Variants in TRIM14 observed in about 807,000 individuals in gnomAD.
TRIM14 encodes the protein tripartite motif-containing protein 14.
TRIM14 carries 28 observed loss-of-function variants against 44.5 expected under a neutral mutation model. The observed-to-expected ratio is 0.63, with a 90% CI of 0.47 to 0.86. The LOEUF is 0.86. TRIM14 is among the 40% of genes least tolerant of loss of function. The probability of loss-of-function intolerance (pLI) is 0.00; values close to 1 mark genes in which losing one functional copy is unlikely to be tolerated. For missense variants in TRIM14, 607 were observed against 611.1 expected (o/e 0.99, Z 0.07); for synonymous variants, 299 against 269.2 (o/e 1.11, Z -1.08).
At chr9:98,059,741 T>C in the TRIM14 span, among the ~76,000 whole-genome samples, 1 of 152,102 alleles carries the variant, frequency 6.6e-6, no homozygotes, top group South Asian at 2.1e-4. Flanking sequence ...TTTTTTTTTT[T>C]TTATAGTCAA....
chr9:98,071,239 T>C (rs146093888), intron 6 of TRIM14, among the ~76,000 whole-genome samples: 151 of 152,348 alleles, frequency 9.9e-4, no homozygotes, highest in African/African-American at 3.5e-3. Context: ...GGTACACACC[T>C]CAGCTGTATG....
At chr9:98,068,814 T>G (rs1829226337), downstream of TRIM14, among the ~76,000 whole-genome samples, 2 of 124,102 alleles carry the variant, frequency 1.6e-5, no homozygotes, top group South Asian at 5.8e-4. Flanking sequence ...GGCAAAAGAG[T>G]GAGATCCTGT....
chr9:98,105,248 T>G (rs1826561919), intron 2 of TRIM14, among the ~76,000 whole-genome samples: 1 of 152,236 alleles, frequency 6.6e-6, no homozygotes, highest in Non-Finnish European at 1.5e-5. Flanking sequence ...GCAGGGGTTC[T>G]GGGTCTGGTG....
chr9:98,107,337 A>G (rs138402361), intron 2 of TRIM14, among the ~76,000 whole-genome samples: 2 of 152,220 alleles, frequency 1.3e-5, no homozygotes, highest in Admixed American at 1.3e-4. Context: ...ACCTGGACAC[A>G]ACTGTTCAAA....
chr9:98,036,378 A>G, the TRIM14 span, among the ~76,000 whole-genome samples: 1 of 151,292 alleles, frequency 6.6e-6, no homozygotes, highest in Non-Finnish European at 1.5e-5. Context: ...GCATGTGCCT[A>G]TACTCCCAAC....
chr9:98,087,562 G>C lies in TRIM14; in HGVS notation c.1237C>G (p.His413Asp), dbSNP rs1825826038. 6.9e-6 allele frequency: 11 copies of C among 1,596,618 alleles called. No individual in the cohort carries two copies. The highest frequency in any genetic ancestry group is 9.4e-6 in the Non-Finnish European group (11 of 1,173,950). The change falls in exon 6 of 6, where the codon CAC (histidine) becomes GAC (aspartate). Residue 413 changes from histidine to aspartate, a missense_variant. His to Asp is a moderately conservative substitution (Grantham distance 81, BLOSUM62 -1). Coordinates refer to ENST00000341469, the MANE Select transcript of TRIM14 (RefSeq NM_014788.4). ...AFYDVTGGMS[H>D]LHTFRATFQE... ...AACGTGGCGCGGAAGGTATGCAGGT[G>C]GCTCATGCCGCCCGTCACGTCGTAG...
At chr9:98,071,611 G>C (rs1699177814) in intron 6 of TRIM14, among the ~76,000 whole-genome samples, 1 of 152,138 alleles carries the variant, frequency 6.6e-6, no homozygotes, top group African/African-American at 2.4e-5. Flanking sequence ...GTACTTGCAG[G>C]CTGGGACATC....
At chr9:98,118,479 G>C (rs565760902) in intron 1 of TRIM14, among the ~76,000 whole-genome samples, 1 of 152,328 alleles carries the variant, frequency 6.6e-6, no homozygotes, top group East Asian at 1.9e-4. Context: ...GAGGTAGGTA[G>C]TGACAGCTGA....
At chr9:98,051,687 C>T in the TRIM14 span, among the ~76,000 whole-genome samples, 1 of 152,102 alleles carries the variant, frequency 6.6e-6, no homozygotes, top group African/African-American at 2.4e-5. Context: ...AATGTTCTAA[C>T]AAGCAGCCAC....
At chr9:98,056,696 T>C in the TRIM14 span, 13 of 1,435,628 alleles carry the variant, frequency 9.1e-6, no homozygotes, top group African/African-American at 1.0e-4. Context: ...CGGGCTGACG[T>C]GGCGGGGCTG....
chr9:98,037,357 G>A, the TRIM14 span, among the ~76,000 whole-genome samples: 1 of 152,134 alleles, frequency 6.6e-6, no homozygotes, highest in African/African-American at 2.4e-5. Flanking sequence ...CAGTCCGGGC[G>A]ACAGAGCAAG....
chr9:98,094,541 C>A (rs918632320), intron 4 of TRIM14, among the ~76,000 whole-genome samples: 2 of 152,222 alleles, frequency 1.3e-5, no homozygotes, highest in Non-Finnish European at 2.9e-5. Flanking sequence ...CAGGCCTTGG[C>A]CCCAGCCAGA....
At chr9:98,093,295 C>T (rs1381196929) in intron 4 of TRIM14, among the ~76,000 whole-genome samples, 1 of 152,180 alleles carries the variant, frequency 6.6e-6, no homozygotes, top group Non-Finnish European at 1.5e-5. Context: ...TTGCTTTTCC[C>T]TCTGTCTAGA....
chr9:98,067,334 C>G (rs984371843), downstream of TRIM14, among the ~76,000 whole-genome samples: 1 of 152,212 alleles, frequency 6.6e-6, no homozygotes, highest in African/African-American at 2.4e-5. Flanking sequence ...AACTGCCAGA[C>G]TGCTTGCCAA....
Position 98,100,119 on chromosome 9 carries a change from C to T in TRIM14, c.349G>A (p.Glu117Lys). 6.2e-7 allele frequency: 1 copy of T among 1,614,168 alleles called. No homozygotes were observed. The highest frequency in any genetic ancestry group is 8.5e-7 in the Non-Finnish European group (1 of 1,180,048). Residue 117 changes from glutamate (E) to lysine (K), a missense_variant, in exon 3 of 6, where the codon GAA becomes AAA. Glu to Lys is a moderately conservative substitution (Grantham distance 56). Around this residue, in one of 3 missense-constraint regions of TRIM14, gnomAD observed 246 missense variants for 270.8 expected, o/e 0.91. Coordinates refer to ENST00000341469, the MANE Select transcript of TRIM14 (RefSeq NM_014788.4). ...TCTTCGTCAAGTAGTAATCTGAGTT[C>T]AGTGAATTTCCCCTTCAGCCAGGTT... Reference protein sequence around the residue: ...SKTWLKGKFTELRLLLDEEEA... With the variant: ...SKTWLKGKFTKLRLLLDEEEA...
In TRIM14 at chr9:98,091,395, T is replaced by G. The variant is rs559503777; in HGVS notation, c.793+514A>C. Among the ~76,000 whole-genome samples, 57 of 152,218 alleles carry G rather than the reference T, an allele frequency of 3.7e-4. 2 individuals are homozygous for G. The South Asian group carries it at 7.3e-3, about 19-fold the overall frequency. On this transcript the variant is annotated intron_variant, in intron 5 of 5. Coordinates refer to ENST00000341469, the MANE Select transcript of TRIM14 (RefSeq NM_014788.4). ...TCATTTGTGCCCAAGAGGTCGAGGC[T>G]GCAGTGAGCCATGACTGCACCACTG...
At chr9:98,117,407 C>T (rs1827094181) in intron 1 of TRIM14, among the ~76,000 whole-genome samples, 1 of 152,102 alleles carries the variant, frequency 6.6e-6, no homozygotes, top group African/African-American at 2.4e-5. Flanking sequence ...AAGCGATTCT[C>T]ATGCCTCAGC....
the TRIM14 span, among the ~76,000 whole-genome samples, chr9:98,052,661 C>T: frequency 1.3e-5 from 2 of 152,186 alleles, no homozygotes; most frequent in Non-Finnish European, 2.9e-5. Context: ...GCGTGTGCCA[C>T]CACGCCTGCC....
chr9:98,093,356 C>T (rs759335668), intron 4 of TRIM14, among the ~76,000 whole-genome samples: 1 of 152,184 alleles, frequency 6.6e-6, no homozygotes, highest in Non-Finnish European at 1.5e-5. Context: ...CCAAGACATA[C>T]GTGGTGCTTA....
Sources: allele counts gnomAD v4.1 joint callset (sites outside exome capture counted in the v4.1 genomes callset), GRCh38; gene constraint gnomAD v4.1.1; regional missense constraint gnomAD v4.1.1; transcripts MANE v1.5; gene names NCBI Gene and HGNC (gene_info 2026-07-23, HGNC 2026-07-21).